MAPK10: variants seen among roughly 807,000 people sequenced by gnomAD.
MAPK10 encodes the protein mitogen-activated protein kinase 10, also known as JNK3 alpha protein kinase.
A neutral mutation model predicts 59.3 loss-of-function variants in MAPK10; 25 were observed. The observed-to-expected ratio is 0.42, with a 90% CI of 0.31 to 0.59. The LOEUF is 0.59. MAPK10 is among the 20% of genes least tolerant of loss of function. The probability of loss-of-function intolerance (pLI) is 0.15; values close to 1 mark genes in which losing one functional copy is unlikely to be tolerated. For missense variants in MAPK10, 351 were observed against 568.9 expected, an observed-to-expected ratio of 0.62 and a Z score of 3.90; for synonymous variants, 190 against 200.5, an observed-to-expected ratio of 0.95 and a Z score of 0.44.
chr4:86,119,583 C>CAAAAAAA (rs1200405289), intron 4 of MAPK10: 3 of 52,592 alleles, frequency 5.7e-5, no homozygotes, highest in African/African-American at 1.0e-4. Context: ...GACTCCATCA[C>CAAAAAAA]AAAAAAAAAA....
rs550343320 is a variant in MAPK10, at chr4:86,448,831, T to C, written c.-122+4199A>G. Among the ~76,000 whole-genome samples the C allele has an allele frequency of 8.5e-5, 13 of 152,328 alleles. No homozygotes were observed. In the South Asian group the frequency reaches 2.7e-3, roughly 32 times the overall value. On this transcript the variant is annotated intron_variant, in intron 1 of 13. Coordinates refer to the MAPK10 transcript ENST00000361569. ...AATTACACAACTCACCATAATGTAA[T>C]ATCAGTGGAAGCCCTGAGCTTGTTT...
At chr4:86,208,604 C>T (rs1198277391) in intron 2 of MAPK10, among the ~76,000 whole-genome samples, 1 of 151,808 alleles carries the variant, frequency 6.6e-6, no homozygotes, top group Admixed American at 6.6e-5. Flanking sequence ...ATAATAAGAG[C>T]TATCTATGAC....
At chr4:86,381,999 G>A (rs148508008) in intron 1 of MAPK10, among the ~76,000 whole-genome samples, 28 of 152,166 alleles carry the variant, frequency 1.8e-4, no homozygotes, top group African/African-American at 6.3e-4. Context: ...CTACAGTGGC[G>A]CTATTGACAT....
At chr4:86,525,767 G>A (rs912099450) in intron 1 of MAPK10, among the ~76,000 whole-genome samples, 2 of 152,180 alleles carry the variant, frequency 1.3e-5, no homozygotes, top group African/African-American at 4.8e-5. Flanking sequence ...CCAATTTTAT[G>A]TGAATAAACA....
At chr4:86,126,929 A>C (rs1405938228) in intron 4 of MAPK10, among the ~76,000 whole-genome samples, 8 of 152,116 alleles carry the variant, frequency 5.3e-5, no homozygotes, top group Middle Eastern at 6.8e-3. Flanking sequence ...TTTCAAATTG[A>C]ACCACTTCAC....
chr4:86,107,681 G>T (rs1312186285), intron 4 of MAPK10: 1 of 996,794 alleles, frequency 1.0e-6, no homozygotes, highest in Admixed American at 6.0e-5. Flanking sequence ...GAATAAAGAA[G>T]TAAGACAGGC....
intron 4 of MAPK10, among the ~76,000 whole-genome samples, chr4:86,138,627 A>T (rs1326141850): frequency 3.4e-5 from 5 of 147,228 alleles, no homozygotes; most frequent in African/African-American, 1.2e-4. Flanking sequence ...AACTGGCACA[A>T]GACAGGGATG....
chr4:86,576,300 T>C (rs1761882154), intron 1 of MAPK10, among the ~76,000 whole-genome samples: 1 of 152,036 alleles, frequency 6.6e-6, no homozygotes, highest in South Asian at 2.1e-4. Flanking sequence ...AAGAATAAAA[T>C]TATCAAGAAG....
chr4:86,408,510 TCCA>T (rs1744679330), intron 1 of MAPK10, among the ~76,000 whole-genome samples: 1 of 152,120 alleles, frequency 6.6e-6, no homozygotes, highest in South Asian at 2.1e-4. Flanking sequence ...AATTTACACT[TCCA>T]CCAACAGTGT....
intron 4 of MAPK10, among the ~76,000 whole-genome samples, chr4:86,117,151 A>T (rs1356138229): frequency 5.9e-5 from 9 of 152,226 alleles, no homozygotes; most frequent in Non-Finnish European, 8.8e-5. Flanking sequence ...GCATGTGCCT[A>T]TTGTCCCAGC....
Position 86,359,889 on chromosome 4 carries a change from G to A in MAPK10, c.-353C>T. ...GACAAAAAAGGAAATTTGTAAAAAT[G>A]AAAAAAGAAAAGAAAAAGGTAAGCA... On this transcript the variant is annotated 5_prime_UTR_variant, in exon 1 of 14. Coordinates refer to ENST00000641462, the MANE Select transcript of MAPK10 (RefSeq NM_138982.4). 2.0e-6 allele frequency: 2 copies of A among 985,404 alleles called. No individual in the cohort carries two copies. Among genetic ancestry groups the A allele is most frequent in the African/African-American group, 3.5e-5 (2 of 57,268 alleles). 61.0% of individuals were successfully genotyped at this position (985,404 alleles called of 1,614,324 possible).
intron 6 of MAPK10, 153 bp from the exon 7 acceptor site, chr4:86,102,185 G>T: frequency 1.5e-6 from 1 of 666,638 alleles, no homozygotes; most frequent in Non-Finnish European, 2.6e-6. Flanking sequence ...GGTATTGCAT[G>T]TGTGTTAGCT....
chr4:86,230,472 C>T (rs1173878136), intron 2 of MAPK10, among the ~76,000 whole-genome samples: 1 of 152,174 alleles, frequency 6.6e-6, no homozygotes, highest in East Asian at 1.9e-4. Context: ...TAGACTATCT[C>T]TTCTAATTTT....
At chr4:86,256,883 GGCGCCCGCCATTGCGCCCGCCATT>G (rs376706235) in intron 2 of MAPK10, among the ~76,000 whole-genome samples, 7 of 76,060 alleles carry the variant, frequency 9.2e-5, no homozygotes, top group Non-Finnish European at 1.7e-4. Context: ...TGGGACTACA[GGCGCCCGCCATTGCGCCCGCCATT>G]GCGCCCGTCT....
At chr4:86,436,888 C>T (rs1456478308) in intron 1 of MAPK10, among the ~76,000 whole-genome samples, 1 of 152,022 alleles carries the variant, frequency 6.6e-6, no homozygotes, top group East Asian at 1.9e-4. Context: ...TTGCTTACAT[C>T]AGAGAAAAAG....
intron 2 of MAPK10, among the ~76,000 whole-genome samples, chr4:86,214,519 A>C (rs6853290): frequency 2.1e-4 from 26 of 125,840 alleles, no homozygotes; most frequent in African/African-American, 1.1e-3. Context: ...CTTAAAAAAA[A>C]AAAAAAAAAA....
upstream of MAPK10, among the ~76,000 whole-genome samples, chr4:86,361,422 G>C (rs1396474616): frequency 2.0e-5 from 3 of 152,046 alleles, no homozygotes; most frequent in Non-Finnish European, 2.9e-5. Context: ...CAAAAATATG[G>C]ATTGATAGCC....
rs2093464721 is a variant in MAPK10 at position 86,251,984 on chromosome 4, G to T, written c.-6-57577C>A. On this transcript the variant is annotated intron_variant, in intron 2 of 13. Coordinates refer to ENST00000641462, the MANE Select transcript of MAPK10 (RefSeq NM_138982.4). ...CTGCATAAAAGTCTTCTTTTGAGAA[G>T]TGTCTGTTCATGTCCTTCACCCACT... is the stretch of plus-strand genomic sequence containing the variant. Among the ~76,000 whole-genome samples the T allele has an allele frequency of 2.5e-5, 3 of 117,978 alleles. 1 individual carries two copies. The highest frequency in any genetic ancestry group is 7.6e-5 in the Admixed American group (1 of 13,234). 77.4% of individuals were successfully genotyped at this position (117,978 alleles called of 152,430 possible).
intron 2 of MAPK10, among the ~76,000 whole-genome samples, chr4:86,342,469 G>A (rs987869211): frequency 6.6e-6 from 1 of 152,122 alleles, no homozygotes; most frequent in Admixed American, 6.5e-5. Flanking sequence ...CTTCAACATA[G>A]GAGCAAAAGA....
Sources: allele counts gnomAD v4.1 joint callset (sites outside exome capture counted in the v4.1 genomes callset), GRCh38; gene constraint gnomAD v4.1.1; transcripts MANE v1.5; gene names NCBI Gene and HGNC (gene_info 2026-07-23, HGNC 2026-07-21).